The following CERK variants were observed in gnomAD, a reference collection of about 807,000 sequenced individuals.
The protein encoded by CERK is acylsphingosine kinase.
A neutral mutation model predicts 63.4 loss-of-function variants in CERK; 39 were observed. That is an observed-to-expected ratio of 0.61 (90% confidence interval 0.48 to 0.80). CERK has a LOEUF of 0.80. CERK is among the 30% of genes least tolerant of loss of function. The pLI is 0.00. For missense variants in CERK, 670 were observed against 714.1 expected (o/e 0.94, Z 0.70); for synonymous variants, 302 against 280.0 (o/e 1.08, Z -0.78).
intron 8 of CERK, among the ~76,000 whole-genome samples, chr22:46,697,477 G>A (rs950190495): frequency 1.3e-5 from 2 of 151,686 alleles, no homozygotes; most frequent in Non-Finnish European, 2.9e-5. Flanking sequence ...TGGAGATGGG[G>A]TCTCCCTATG....
intron 5 of CERK, 24 bp from the exon 6 acceptor site, chr22:46,708,012 A>G: frequency 6.3e-7 from 1 of 1,583,702 alleles, no homozygotes. Flanking sequence ...ACAGCCGGTC[A>G]GGGCTCCTGC....
In CERK at chr22:46,720,067, A is replaced by G. The variant is rs1569327702; in HGVS notation, c.379+19T>C. ...TGCCACCACGGCCATCCTGTCTCTC[A>G]GTCCAAACACACACGTACTCAGCTT... On this transcript the variant is annotated intron_variant, in intron 3 of 12. Coordinates refer to ENST00000216264, the MANE Select transcript of CERK (RefSeq NM_022766.6). 1.2e-6 allele frequency: 2 copies of G among 1,609,326 alleles called. No individual in the cohort carries two copies. The highest frequency in any genetic ancestry group is 4.5e-5 in the East Asian group (2 of 44,756).
chr22:46,695,963 C>T (rs1315180309), intron 8 of CERK, among the ~76,000 whole-genome samples: 1 of 152,206 alleles, frequency 6.6e-6, no homozygotes, highest in Non-Finnish European at 1.5e-5. Flanking sequence ...GGAGCCAGGC[C>T]GTGTCCTGTG....
At chr22:46,692,334 G>A (rs1005959223) in intron 10 of CERK, among the ~76,000 whole-genome samples, 7 of 151,404 alleles carry the variant, frequency 4.6e-5, no homozygotes, top group Non-Finnish European at 5.9e-5. Context: ...GCTGAGGCAG[G>A]AGAACTGCTT....
chr22:46,726,120 C>T (rs768937934), intron 1 of CERK, among the ~76,000 whole-genome samples: 12 of 152,360 alleles, frequency 7.9e-5, no homozygotes, highest in East Asian at 3.9e-4. Context: ...CATGGGTGCA[C>T]GTGTGTGGGC....
At chr22:46,693,373 A>G in intron 10 of CERK, 54 bp downstream of exon 10, 2 of 1,479,192 alleles carry the variant, frequency 1.4e-6, no homozygotes, top group Non-Finnish European at 1.9e-6. Flanking sequence ...GAGGACAGAA[A>G]CCCGCACTCC....
At chr22:46,692,468 G>T (rs801716) in intron 10 of CERK, among the ~76,000 whole-genome samples, 3 of 149,532 alleles carry the variant, frequency 2.0e-5, no homozygotes, top group Non-Finnish European at 2.9e-5. Flanking sequence ...CAGGTATGGC[G>T]GCAGGCGCCT....
chr22:46,695,906 T>G (rs1036724509), intron 8 of CERK, among the ~76,000 whole-genome samples: 16 of 152,264 alleles, frequency 1.1e-4, no homozygotes, highest in African/African-American at 3.9e-4. Context: ...CAGCAGGGAC[T>G]GGGCAGGAGG....
At position 46,689,983 on chromosome 22, in the gene CERK, T is replaced by TGCAC; in HGVS notation, c.1541+5_1541+8dup. ...ATGGCGCTGGTGGCTGGAGGACCCC[T>TGCAC]GCACGCACCTGACCTCGATGGCAGG... On this transcript the variant is annotated intron_variant, in intron 12 of 12. Transcript: ENST00000216264. 6.3e-7 allele frequency: 1 copy of TGCAC among 1,593,360 alleles called. No individual in the cohort carries two copies. The highest frequency in any genetic ancestry group is 8.5e-7 in the Non-Finnish European group (1 of 1,174,382).
At chr22:46,737,745 C>T (rs1274083501) in intron 1 of CERK, among the ~76,000 whole-genome samples, 3 of 152,162 alleles carry the variant, frequency 2.0e-5, no homozygotes, top group African/African-American at 7.2e-5. Context: ...CCCACCTCCC[C>T]GCGGGGATGG....
chr22:46,737,979 G>C (rs1373070201), intron 1 of CERK, 28 bp downstream of exon 1: 1 of 1,164,098 alleles, frequency 8.6e-7, no homozygotes, highest in African/African-American at 1.6e-5. Flanking sequence ...GCCAGGTCCG[G>C]CCGAACCCGG....
chr22:46,738,082 C>A lies in CERK; in HGVS notation c.67G>T (p.Val23Leu). 1.6e-6 allele frequency: 2 copies of A among 1,279,434 alleles called. No homozygotes were observed. The highest frequency in any genetic ancestry group is 2.0e-6 in the Non-Finnish European group (2 of 1,006,386). 79.3% of individuals were successfully genotyped at this position (1,279,434 alleles called of 1,614,324 possible). The change falls in exon 1 of 13, where the codon GTG (valine) becomes TTG (leucine). Residue 23 changes from valine to leucine, a missense_variant. Coordinates refer to ENST00000216264, the MANE Select transcript of CERK (RefSeq NM_022766.6). ...AGAGCCCGCGCGGGCTCCAGGCTCA[C>A]GGCGCAGCGCTGCTGCTTCACCCAC... ...VLWVKQQRCAVSLEPARALLR... is the reference protein window; with the variant it reads ...VLWVKQQRCALSLEPARALLR...
chr22:46,706,413 G>A (rs541975403), intron 6 of CERK, among the ~76,000 whole-genome samples: 9 of 152,272 alleles, frequency 5.9e-5, no homozygotes, highest in South Asian at 4.2e-4. Flanking sequence ...GAGATCCAGC[G>A]GGATGTTGCT....
chr22:46,691,458 T>A, intron 11 of CERK, 114 bp downstream of exon 11: 1 of 850,348 alleles, frequency 1.2e-6, no homozygotes, highest in Non-Finnish European at 1.8e-6. Flanking sequence ...AAAAAAAAAG[T>A]TTGCCCTTCC....
chr22:46,691,494 C>T (rs1258452327), intron 11 of CERK, 78 bp downstream of exon 11: 14 of 1,243,574 alleles, frequency 1.1e-5, no homozygotes, highest in Admixed American at 2.5e-5. Flanking sequence ...TAATGAATTC[C>T]TACAACACAT....
In CERK at chr22:46,721,774, G is replaced by A. The variant is rs185028963; in HGVS notation, c.143-759C>T. 1.6e-4 allele frequency among the ~76,000 whole-genome samples: 25 copies of A among 152,250 alleles called. No homozygotes were observed. In the East Asian group the frequency reaches 1.7e-3, roughly 11 times the overall value. ...GTGAGGCAGAGCCCAAGTGTGGCGC[G>A]AACTGGAGTGCAGGGGGAGGAGACA... On this transcript the variant is annotated intron_variant, in intron 1 of 12. Transcript: ENST00000216264.
intron 7 of CERK, 31 bp downstream of exon 7, chr22:46,701,605 C>G: frequency 6.5e-7 from 1 of 1,542,552 alleles, no homozygotes; most frequent in South Asian, 1.2e-5. Context: ...GCCCGGCTGC[C>G]ACCGTGCGCA....
intron 3 of CERK, among the ~76,000 whole-genome samples, chr22:46,716,273 C>T (rs910258506): frequency 6.6e-6 from 1 of 151,416 alleles, no homozygotes; most frequent in Non-Finnish European, 1.5e-5. Flanking sequence ...TCACTGCAAC[C>T]TCCACCCCCA....
At chr22:46,725,111 C>T (rs547914622) in intron 1 of CERK, among the ~76,000 whole-genome samples, 17 of 152,208 alleles carry the variant, frequency 1.1e-4, no homozygotes, top group Non-Finnish European at 2.2e-4. Context: ...AAGCTGAGGA[C>T]TCCACAGTGA....
Sources: allele counts gnomAD v4.1 joint callset (sites outside exome capture counted in the v4.1 genomes callset), GRCh38; gene constraint gnomAD v4.1.1; transcripts MANE v1.5; gene names NCBI Gene and HGNC (gene_info 2026-07-23, HGNC 2026-07-21).